NEK10: variants seen among roughly 807,000 people sequenced by gnomAD.
NEK10 encodes the protein serine/threonine-protein kinase Nek10.
Under a neutral mutation model 159.8 loss-of-function variants are expected in NEK10, and 122 were observed. That is an observed-to-expected ratio of 0.76 (90% confidence interval 0.66 to 0.89). NEK10 has a LOEUF of 0.89. Among genes scored for constraint, NEK10 ranks in the 40% least tolerant of loss-of-function variants. The probability of loss-of-function intolerance (pLI) is 0.00; values close to 1 mark genes in which losing one functional copy is unlikely to be tolerated. For missense variants in NEK10, 1,342 were observed against 1,323.1 expected, an observed-to-expected ratio of 1.01 and a Z score of -0.22; for synonymous variants, 466 against 457.1, an observed-to-expected ratio of 1.02 and a Z score of -0.25.
intron 32 of NEK10, among the ~76,000 whole-genome samples, chr3:27,128,266 TA>T (rs1011972604): frequency 2.6e-5 from 4 of 152,194 alleles, no homozygotes; most frequent in Non-Finnish European, 5.9e-5. Flanking sequence ...TGCTGACTTC[TA>T]ATCTACAGCC....
At chr3:27,219,014 C>G (rs893275420) in intron 23 of NEK10, among the ~76,000 whole-genome samples, 1 of 152,236 alleles carries the variant, frequency 6.6e-6, no homozygotes, top group Non-Finnish European at 1.5e-5. Flanking sequence ...AGAGATTTTC[C>G]ACACTCTCCA....
At chr3:27,118,400 T>C (rs1940801070) in intron 33 of NEK10, among the ~76,000 whole-genome samples, 1 of 152,226 alleles carries the variant, frequency 6.6e-6, no homozygotes, top group South Asian at 2.1e-4. Context: ...CAATCAACAC[T>C]GACATGTAGA....
intron 23 of NEK10, chr3:27,255,362 T>C: frequency 2.6e-6 from 1 of 385,796 alleles, no homozygotes; most frequent in South Asian, 2.0e-5. Context: ...GTCACCCTCT[T>C]AAAACATTAT....
chr3:27,268,915 A>C (rs1003010110), intron 22 of NEK10, among the ~76,000 whole-genome samples: 3 of 152,224 alleles, frequency 2.0e-5, no homozygotes, highest in East Asian at 1.9e-4. Flanking sequence ...TCATGGGAAG[A>C]GGTCAAAATA....
At chr3:27,346,572 T>C (rs959748203) in intron 3 of NEK10, among the ~76,000 whole-genome samples, 4 of 152,120 alleles carry the variant, frequency 2.6e-5, no homozygotes, top group Non-Finnish European at 5.9e-5. Flanking sequence ...AGGTTTGGGG[T>C]GACACCTGGG....
At position 27,360,941 on chromosome 3, in the gene NEK10, G is replaced by C. The variant is rs2048641469; in HGVS notation, c.-37-8022C>G. Among the ~76,000 whole-genome samples the C allele has an allele frequency of 2.6e-5, 4 of 152,110 alleles. No homozygotes were observed. In the South Asian group the frequency reaches 8.3e-4, roughly 32 times the overall value. Reference sequence around the variant, plus strand: ...CTATTTTATATGTAAACAAGCACTTGGGGATAAAAAGAACCAAGAATTCTA... The same window carrying C: ...CTATTTTATATGTAAACAAGCACTTCGGGATAAAAAGAACCAAGAATTCTA... On this transcript the variant is annotated intron_variant, in intron 1 of 35. Transcript: ENST00000691995.
chr3:27,201,459 T>G, intron 25 of NEK10, 51 bp downstream of exon 25: 1 of 1,404,780 alleles, frequency 7.1e-7, no homozygotes, highest in Non-Finnish European at 1.0e-6. Flanking sequence ...ATTATAGAAA[T>G]GAGGTATTTC....
intron 26 of NEK10, among the ~76,000 whole-genome samples, chr3:27,178,143 T>A (rs149831864): frequency 1.2e-3 from 183 of 152,360 alleles, no homozygotes; most frequent in African/African-American, 3.8e-3. Flanking sequence ...ACGCTAGTAT[T>A]GGCACAATTA....
chr3:27,322,018 T>C (rs2045674996), intron 6 of NEK10, among the ~76,000 whole-genome samples, 159 bp downstream of exon 6: 2 of 152,224 alleles, frequency 1.3e-5, no homozygotes, highest in Admixed American at 1.3e-4. Context: ...CTCTCAAATC[T>C]TTTTAAATAG....
At chr3:27,364,125 G>A (rs139896299) in intron 1 of NEK10, among the ~76,000 whole-genome samples, 5 of 150,948 alleles carry the variant, frequency 3.3e-5, no homozygotes, top group African/African-American at 4.9e-5. Flanking sequence ...TCACTATGTC[G>A]CCCAGGCTGG....
chr3:27,193,746 T>C lies in NEK10; in HGVS notation c.2292-1504A>G, dbSNP rs1376310987. Among the ~76,000 whole-genome samples the C allele has an allele frequency of 4.6e-5, 7 of 152,062 alleles. No homozygotes were observed. In the East Asian group the frequency reaches 1.2e-3, roughly 25 times the overall value. ...TACTTTTGGACTGCCTTCAGACAGA[T>C]ATCCTGAGCCCCTTTTGTACATTCT... On this transcript the variant is annotated intron_variant, in intron 25 of 35. Coordinates refer to ENST00000691995, the MANE Select transcript of NEK10 (RefSeq NM_001394966.1).
At chr3:27,332,570 C>T (rs1299085200) in intron 5 of NEK10, among the ~76,000 whole-genome samples, 1 of 152,188 alleles carries the variant, frequency 6.6e-6, no homozygotes, top group Non-Finnish European at 1.5e-5. Context: ...TCATAAAATT[C>T]TACAACTTCA....
chr3:27,339,778 C>CAAAAAA (rs33927068), intron 5 of NEK10, among the ~76,000 whole-genome samples: 1 of 119,918 alleles, frequency 8.3e-6, no homozygotes, highest in Non-Finnish European at 1.7e-5. Context: ...GACTCCATCT[C>CAAAAAA]AAAAAAAAAA....
At chr3:27,160,119 T>TAA (rs200665047) in intron 30 of NEK10, among the ~76,000 whole-genome samples, 1 of 151,736 alleles carries the variant, frequency 6.6e-6, no homozygotes, top group Non-Finnish European at 1.5e-5. Flanking sequence ...TTATTTTTTT[T>TAA]AAAAAAATAA....
intron 26 of NEK10, among the ~76,000 whole-genome samples, chr3:27,184,579 G>T (rs1214103766): frequency 6.6e-6 from 1 of 152,172 alleles, no homozygotes; most frequent in Non-Finnish European, 1.5e-5. Flanking sequence ...AGAGAGAATT[G>T]TAGTGTGGAT....
chr3:27,143,473 C>T (rs984645170), intron 30 of NEK10: 2 of 760,692 alleles, frequency 2.6e-6, no homozygotes, highest in Non-Finnish European at 4.8e-6. Flanking sequence ...CCATCTGTGG[C>T]CCTAAATACA....
At chr3:27,187,491 G>T (rs1266464405) in intron 26 of NEK10, among the ~76,000 whole-genome samples, 1 of 152,056 alleles carries the variant, frequency 6.6e-6, no homozygotes, top group South Asian at 2.1e-4. Flanking sequence ...AAATACCATG[G>T]GACTAGATGG....
At chr3:27,179,345 A>G (rs1032618221) in intron 26 of NEK10, among the ~76,000 whole-genome samples, 1 of 152,202 alleles carries the variant, frequency 6.6e-6, no homozygotes, top group Non-Finnish European at 1.5e-5. Flanking sequence ...TCATTATTAT[A>G]CTATCTTAAT....
At chr3:27,299,061 G>A (rs2043593664) in intron 13 of NEK10, among the ~76,000 whole-genome samples, 1 of 152,202 alleles carries the variant, frequency 6.6e-6, no homozygotes, top group Non-Finnish European at 1.5e-5. Context: ...CATAAGTAAT[G>A]AGGAGCCAAA....
Sources: gnomAD v4.1 joint callset for allele counts (sites outside exome capture counted in the v4.1 genomes callset) on GRCh38, gnomAD v4.1.1 for gene constraint, MANE v1.5 for transcripts, NCBI Gene and HGNC (gene_info 2026-07-23, HGNC 2026-07-21) for gene names.